The following RUNX1 variants were observed in gnomAD, a reference collection of about 807,000 sequenced individuals.
RUNX1 encodes the protein RUNX family transcription factor 1, also known as runt-related transcription factor 1.
A neutral mutation model predicts 42.8 loss-of-function variants in RUNX1; 19 were observed. The observed-to-expected ratio is 0.44, with a 90% CI of 0.31 to 0.65. RUNX1 has a LOEUF of 0.65. Ranked by LOEUF, RUNX1 falls within the 30% of genes least tolerant of loss-of-function variation. RUNX1 has a pLI of 0.07. For synonymous variants in RUNX1, 271 were observed against 289.4 expected (o/e 0.94, Z 0.64); for missense variants, 528 against 672.0 (o/e 0.79, Z 2.37).
chr21:34,809,176 G>C (rs181691998), intron 7 of RUNX1, among the ~76,000 whole-genome samples: 3 of 152,186 alleles, frequency 2.0e-5, no homozygotes, highest in African/African-American at 7.2e-5. Flanking sequence ...TGCAACACCA[G>C]CACATCATGG....
chr21:34,834,601 C>T lies in RUNX1; in HGVS notation c.614G>A (p.Arg205Lys). 1.2e-6 allele frequency: 2 copies of T among 1,610,852 alleles called. No homozygotes were observed. Among genetic ancestry groups the T allele is most frequent in the Non-Finnish European group, 1.7e-6 (2 of 1,179,404 alleles). The change falls in exon 7 of 9, where the codon AGA becomes AAA. Residue 205 changes from arginine (R) to lysine (K), a missense_variant and splice_region_variant. Arg to Lys is a conservative substitution (Grantham distance 26, BLOSUM62 2). Coordinates refer to ENST00000675419, the MANE Select transcript of RUNX1 (RefSeq NM_001754.5). ...CTGATCATCTAGTTTCTGCCGATGTCCTATTGTGGGGAGCAGGGAGGGGAG... is the reference window on the plus strand; with the variant it reads ...CTGATCATCTAGTTTCTGCCGATGTTCTATTGTGGGGAGCAGGGAGGGGAG... Reference protein sequence around the residue: ...ITVDGPREPRRHRQKLDDQTK... With the variant: ...ITVDGPREPRKHRQKLDDQTK...
rs138368917 is a variant in RUNX1 at position 34,807,742 on chromosome 21, C to A, written c.806-8280G>T. On this transcript the variant is annotated intron_variant, in intron 7 of 8. Coordinates refer to ENST00000675419, the MANE Select transcript of RUNX1 (RefSeq NM_001754.5). ...TTCCAGGGTGATGTGTTAGGGCGAG[C>A]CCCAGTGGTGGTTTGCATCTCACTG... Among the ~76,000 whole-genome samples, 407 of 152,272 alleles carry A rather than the reference C, an allele frequency of 2.7e-3. 2 individuals carry two copies. Among genetic ancestry groups the A allele is most frequent in the African/African-American group, 8.9e-3 (369 of 41,556 alleles).
At chr21:34,899,246 G>A (rs1273000284) in intron 2 of RUNX1, among the ~76,000 whole-genome samples, 1 of 152,152 alleles carries the variant, frequency 6.6e-6, no homozygotes, top group Non-Finnish European at 1.5e-5. Context: ...GTTATGGCCT[G>A]AATGTTTGTA....
At chr21:34,853,019 C>T (rs987496016) in intron 6 of RUNX1, among the ~76,000 whole-genome samples, 4 of 152,214 alleles carry the variant, frequency 2.6e-5, no homozygotes, top group East Asian at 1.9e-4. Flanking sequence ...GGGCCCTCCA[C>T]GAAACCCTTT....
chr21:35,038,607 C>CTG (rs768066971), intron 2 of RUNX1: 112 of 296,578 alleles, frequency 3.8e-4, no homozygotes, highest in Middle Eastern at 6.8e-4. Context: ...CTCTCTCTCT[C>CTG]TCTCTCTGTG....
intron 2 of RUNX1, among the ~76,000 whole-genome samples, chr21:34,939,760 G>A (rs1328022782): frequency 2.6e-5 from 4 of 152,220 alleles, no homozygotes; most frequent in Non-Finnish European, 5.9e-5. Context: ...TGTTAGGGAA[G>A]ATCCCAACCA....
Position 34,792,669 on chromosome 21 carries a change from T to C in RUNX1, c.968-59A>G. 1 of 1,466,920 alleles carries C rather than the reference T, an allele frequency of 6.8e-7. No homozygotes were observed. Among genetic ancestry groups the C allele is most frequent in the Non-Finnish European group, 9.2e-7 (1 of 1,088,626 alleles). 90.9% of individuals were successfully genotyped at this position (1,466,920 alleles called of 1,614,324 possible). A position where few individuals can be genotyped will look rare whatever the true frequency, so the allele number is the denominator to read the frequency against. ...AGTAGGAGGTTGCGGAGGCCACAGC[T>C]CTTCCCTCTGCCCCAGGGGGCTACC... On this transcript the variant is annotated intron_variant, in intron 8 of 8. Transcript: ENST00000675419. This position sits in a 1 kb window ranked among gnomAD's most constrained non-coding sequence, Gnocchi z 6.9.
At chr21:34,804,847 A>G (rs1441246315) in intron 7 of RUNX1, among the ~76,000 whole-genome samples, 3 of 150,226 alleles carry the variant, frequency 2.0e-5, no homozygotes, top group African/African-American at 7.4e-5. Flanking sequence ...GGTTCAAGTG[A>G]TTCTCCTCCT....
At chr21:34,895,956 T>A (rs1365200306) in intron 2 of RUNX1, among the ~76,000 whole-genome samples, 1 of 145,194 alleles carries the variant, frequency 6.9e-6, no homozygotes, top group East Asian at 2.0e-4. Context: ...AGACAAGGGG[T>A]CATGAGGATC....
chr21:34,841,400 G>T (rs142673652), intron 6 of RUNX1, among the ~76,000 whole-genome samples: 2 of 152,302 alleles, frequency 1.3e-5, no homozygotes, highest in East Asian at 3.9e-4. Context: ...TTGTACTCTT[G>T]TGGGTGGTAA....
intron 2 of RUNX1, among the ~76,000 whole-genome samples, chr21:35,039,598 C>A (rs1263318214): frequency 6.6e-6 from 1 of 152,032 alleles, no homozygotes; most frequent in East Asian, 1.9e-4. Context: ...TCTCAGGGTT[C>A]ACTTATTTTT....
chr21:35,048,963 G>T lies in RUNX1; in HGVS notation c.-59-5C>A. On this transcript the variant is annotated splice_polypyrimidine_tract_variant and splice_region_variant and intron_variant, in intron 1 of 8. Coordinates refer to ENST00000675419, the MANE Select transcript of RUNX1 (RefSeq NM_001754.5). ...GGACTCAATGATTTCTTTTACCTTC[G>T]GAGCGAAAACCAAGACAGGTCACTG... is the stretch of plus-strand genomic sequence containing the variant. 4 of 1,488,410 alleles carry T rather than the reference G, an allele frequency of 2.7e-6. No homozygotes were observed. 92.2% of individuals were successfully genotyped at this position (1,488,410 alleles called of 1,614,324 possible).
intron 6 of RUNX1, among the ~76,000 whole-genome samples, chr21:34,838,322 G>T (rs1387551675): frequency 1.3e-5 from 2 of 152,240 alleles, no homozygotes; most frequent in East Asian, 3.9e-4. Flanking sequence ...ATAGAATAAA[G>T]AATTTTCTGG....
intron 2 of RUNX1, among the ~76,000 whole-genome samples, chr21:35,006,430 C>G (rs2059085287): frequency 6.6e-6 from 1 of 152,136 alleles, no homozygotes; most frequent in Admixed American, 6.5e-5. Context: ...TTCAAGCCTT[C>G]CAGAGCACCC....
intron 2 of RUNX1, chr21:35,038,298 C>T: frequency 3.2e-6 from 1 of 314,644 alleles, no homozygotes; most frequent in South Asian, 2.5e-5. Context: ...GGCCTATCTT[C>T]CTCCTGGCCT....
chr21:34,792,326 T>C lies in RUNX1; in HGVS notation c.1252A>G (p.Met418Val), dbSNP rs578042376. 26 of 1,323,802 alleles carry C rather than the reference T, an allele frequency of 2.0e-5. No individual in the cohort carries two copies. The African/African-American group carries it at 3.2e-4, about 16-fold the overall frequency. 82.0% of individuals were successfully genotyped at this position (1,323,802 alleles called of 1,614,324 possible). The change falls in exon 9 of 9, where the codon ATG becomes GTG. Residue 418 changes from methionine to valine, a missense_variant. By Grantham distance (21) the Met-to-Val change is conservative (BLOSUM62 1). Coordinates refer to ENST00000675419, the MANE Select transcript of RUNX1 (RefSeq NM_001754.5). The surrounding 1 kb of genome is among the most constrained non-coding windows in gnomAD (Gnocchi z 6.9). ...GASAGSYQFS[M>V]VGGERSPPRI... ...GGCGGCGAGCGCTCGCCGCCCACCATGGAGAACTGGTAGGAGCCGGCCGAG... is the reference window on the plus strand; with the variant it reads ...GGCGGCGAGCGCTCGCCGCCCACCACGGAGAACTGGTAGGAGCCGGCCGAG...
chr21:34,792,537 C>T lies in RUNX1; in HGVS notation c.1041G>A (p.Met347Ile), dbSNP rs370114565. 41 of 1,606,364 alleles carry T rather than the reference C, an allele frequency of 2.6e-5. No homozygotes were observed. Among genetic ancestry groups the T allele is most frequent in the Non-Finnish European group, 3.4e-5 (40 of 1,176,670 alleles). ...AGTAGGTGAAGGCGCCTGGATAGTGCATGCGGGGGTCGGAGATGGAGGGCA... is the reference window on the plus strand; with the variant it reads ...AGTAGGTGAAGGCGCCTGGATAGTGTATGCGGGGGTCGGAGATGGAGGGCA... ...PALPSISDPR[M>I]HYPGAFTYSP... The change falls in exon 9 of 9, where the codon ATG becomes ATA. Residue 347 changes from methionine to isoleucine, a missense_variant. By Grantham distance (10) the Met-to-Ile change is conservative. This residue lies in a region of RUNX1 where 331 missense variants were observed against 382.5 expected (regional missense o/e 0.87). Coordinates refer to ENST00000675419, the MANE Select transcript of RUNX1 (RefSeq NM_001754.5). The surrounding 1 kb of genome is among the most constrained non-coding windows in gnomAD (Gnocchi z 6.9).
chr21:34,989,191 T>A (rs964983162), intron 2 of RUNX1, among the ~76,000 whole-genome samples: 3 of 152,092 alleles, frequency 2.0e-5, no homozygotes. Context: ...GTATTTTTAG[T>A]AGAGACGGGG....
chr21:34,797,023 C>T (rs1480043362), intron 8 of RUNX1, among the ~76,000 whole-genome samples: 2 of 152,216 alleles, frequency 1.3e-5, no homozygotes, highest in African/African-American at 4.8e-5. Context: ...GTTCTCAAAG[C>T]TGTCGGCCAG....
Sources: allele counts gnomAD v4.1 joint callset (sites outside exome capture counted in the v4.1 genomes callset), GRCh38; gene constraint gnomAD v4.1.1; regional missense constraint gnomAD v4.1.1; non-coding constraint Gnocchi (gnomAD v3.1); transcripts MANE v1.5; gene names NCBI Gene and HGNC (gene_info 2026-07-23, HGNC 2026-07-21).